The following SGCZ variants were observed in gnomAD, a reference collection of about 807,000 sequenced individuals.
SGCZ encodes sarcoglycan zeta, also known as zeta-sarcoglycan.
A neutral mutation model predicts 41.3 loss-of-function variants in SGCZ; 40 were observed. That is an observed-to-expected ratio of 0.97 (90% CI 0.75 to 1.26). SGCZ has a LOEUF of 1.26. SGCZ is among the 50% of genes most tolerant of loss of function. SGCZ has a pLI of 0.00. For missense variants in SGCZ, 552 were observed against 369.8 expected, an observed-to-expected ratio of 1.49 and a Z score of -4.04; for synonymous variants, 206 against 137.5, an observed-to-expected ratio of 1.50 and a Z score of -3.49.
chr8:14,549,668 A>G (rs1803740670), intron 2 of SGCZ, among the ~76,000 whole-genome samples: 1 of 152,114 alleles, frequency 6.6e-6, no homozygotes, highest in Admixed American at 6.6e-5. Context: ...GAAGAGGTAC[A>G]TATTTGGATG....
chr8:14,931,072 T>C (rs1391080072), intron 1 of SGCZ, among the ~76,000 whole-genome samples: 1 of 152,070 alleles, frequency 6.6e-6, no homozygotes, highest in East Asian at 1.9e-4. Context: ...ATACTTTATG[T>C]TTTCTCAGAT....
chr8:14,408,243 C>A (rs1799264342), intron 2 of SGCZ, among the ~76,000 whole-genome samples: 3 of 152,100 alleles, frequency 2.0e-5, no homozygotes, highest in Non-Finnish European at 4.4e-5. Flanking sequence ...GCTGTATTTG[C>A]AGTTTTGGTC....
chr8:14,284,773 A>C (rs112507641), intron 3 of SGCZ, among the ~76,000 whole-genome samples: 13 of 152,074 alleles, frequency 8.5e-5, no homozygotes, highest in African/African-American at 2.4e-4. Context: ...ATTTGGTCCT[A>C]AGTTACTGTT....
At chr8:15,040,658 A>C (rs1371763459) in intron 1 of SGCZ, among the ~76,000 whole-genome samples, 2 of 152,154 alleles carry the variant, frequency 1.3e-5, no homozygotes, top group Non-Finnish European at 2.9e-5. Context: ...AGTAAAATGA[A>C]TATGATTATA....
At chr8:14,407,375 T>C (rs1028906648) in intron 2 of SGCZ, among the ~76,000 whole-genome samples, 1 of 152,142 alleles carries the variant, frequency 6.6e-6, no homozygotes, top group African/African-American at 2.4e-5. Context: ...TATCATATTA[T>C]ACAGATAAGA....
rs1803518013 is a variant in SGCZ, at chr8:14,146,286, T to C, written c.547+18294A>G. ...CAGGCTGGGAGAGAGTGGTATGACA[T>C]ATCTCAAGTGCTGAAGCAAAAAAAT... On this transcript the variant is annotated intron_variant, in intron 5 of 7. Transcript: ENST00000382080. Among the ~76,000 whole-genome samples, 4 of 152,280 alleles carry C rather than the reference T, an allele frequency of 2.6e-5. No individual in the cohort carries two copies. In the South Asian group the frequency reaches 6.2e-4, roughly 24 times the overall value.
intron 1 of SGCZ, among the ~76,000 whole-genome samples, chr8:15,179,817 A>T (rs555805142): frequency 6.6e-6 from 1 of 152,308 alleles, no homozygotes; most frequent in East Asian, 1.9e-4. Context: ...TAACCTGATC[A>T]TTAGCAGAAG....
At chr8:14,943,448 G>C (rs1276119840) in intron 1 of SGCZ, among the ~76,000 whole-genome samples, 1 of 152,130 alleles carries the variant, frequency 6.6e-6, no homozygotes, top group Non-Finnish European at 1.5e-5. Context: ...GATCTATACT[G>C]ATGCCTGTGA....
chr8:14,371,467 T>C (rs993645619), intron 2 of SGCZ, among the ~76,000 whole-genome samples: 3 of 152,002 alleles, frequency 2.0e-5, no homozygotes, highest in Non-Finnish European at 4.4e-5. Flanking sequence ...AATAAAACAC[T>C]CTAAATTTCT....
At chr8:15,163,200 T>C (rs573992580) in intron 1 of SGCZ, among the ~76,000 whole-genome samples, 9 of 152,366 alleles carry the variant, frequency 5.9e-5, no homozygotes, top group African/African-American at 9.6e-5. Flanking sequence ...CTTATACTTA[T>C]ATAACATTTA....
intron 3 of SGCZ, among the ~76,000 whole-genome samples, chr8:14,260,891 G>A (rs1799639285): frequency 1.3e-5 from 2 of 152,186 alleles, no homozygotes; most frequent in African/African-American, 4.8e-5. Flanking sequence ...GGTGGGAATT[G>A]AACAATGAGA....
At chr8:15,032,362 T>C (rs572383923) in intron 1 of SGCZ, among the ~76,000 whole-genome samples, 5 of 152,276 alleles carry the variant, frequency 3.3e-5, no homozygotes, top group African/African-American at 1.2e-4. Context: ...ACATCAGCAC[T>C]ACTCCAACCC....
intron 1 of SGCZ, among the ~76,000 whole-genome samples, chr8:14,582,886 A>C (rs1297424366): frequency 6.6e-6 from 1 of 151,498 alleles, no homozygotes; most frequent in East Asian, 2.0e-4. Flanking sequence ...TATGTGCCAC[A>C]TTTTCTTAAT....
intron 3 of SGCZ, among the ~76,000 whole-genome samples, chr8:14,267,371 T>C (rs1249869822): frequency 6.6e-6 from 1 of 152,058 alleles, no homozygotes; most frequent in East Asian, 1.9e-4. Context: ...TCATTTAAAT[T>C]TTATTTATCT....
intron 4 of SGCZ, among the ~76,000 whole-genome samples, chr8:14,185,998 T>C (rs1476873608): frequency 6.6e-6 from 1 of 152,240 alleles, no homozygotes; most frequent in Non-Finnish European, 1.5e-5. Context: ...AGGCATTGGA[T>C]GTTAGTTTGT....
intron 2 of SGCZ, among the ~76,000 whole-genome samples, chr8:14,485,186 A>G (rs540590410): frequency 3.9e-5 from 6 of 152,308 alleles, no homozygotes; most frequent in African/African-American, 1.4e-4. Context: ...TGATCCAACT[A>G]AAAACTACAT....
intron 1 of SGCZ, among the ~76,000 whole-genome samples, chr8:15,125,355 A>G (rs1408396846): frequency 1.3e-5 from 2 of 152,210 alleles, no homozygotes; most frequent in South Asian, 2.1e-4. Context: ...TGGACGCTGC[A>G]GTTCCAGACA....
At chr8:14,615,450 T>C (rs1806070244) in intron 1 of SGCZ, among the ~76,000 whole-genome samples, 2 of 152,226 alleles carry the variant, frequency 1.3e-5, no homozygotes, top group African/African-American at 4.8e-5. Flanking sequence ...TGCTTCTGAG[T>C]ACTGCCTGAT....
chr8:14,545,540 A>T (rs1166892447), intron 2 of SGCZ, among the ~76,000 whole-genome samples: 1 of 152,126 alleles, frequency 6.6e-6, no homozygotes, highest in Non-Finnish European at 1.5e-5. Flanking sequence ...TTTAAGATAT[A>T]CTATATGCTA....
Sources: gnomAD v4.1 joint callset for allele counts (sites outside exome capture counted in the v4.1 genomes callset) on GRCh38, gnomAD v4.1.1 for gene constraint, MANE v1.5 for transcripts, NCBI Gene and HGNC (gene_info 2026-07-23, HGNC 2026-07-21) for gene names.